TBL1X: variants seen among roughly 807,000 people sequenced by gnomAD.
TBL1X encodes transducin beta like 1 X-linked, also known as F-box-like/WD repeat-containing protein TBL1X.
Under a neutral mutation model 50.7 loss-of-function variants are expected in TBL1X, and 10 were observed. The observed-to-expected ratio is 0.20, with a 90% confidence interval of 0.12 to 0.33. The LOEUF (loss-of-function observed/expected upper bound fraction) is 0.33. Ranked by LOEUF, TBL1X falls within the 10% of genes least tolerant of loss-of-function variation. TBL1X has a pLI of 1.00. For missense variants in TBL1X, 340 were observed against 504.4 expected (o/e 0.67, Z 3.12); for synonymous variants, 190 against 214.7 (o/e 0.88, Z 1.01).
rs773413893 is a variant in TBL1X, at chrX:9,497,112, G to A, written c.-200-4668G>A. Among the ~76,000 whole-genome samples the A allele has an allele frequency of 1.2e-4, 13 of 111,507 alleles. No homozygotes were observed. In the East Asian group the frequency reaches 2.0e-3, roughly 17 times the overall value. On this transcript the variant is annotated intron_variant, in intron 1 of 17. Transcript: ENST00000645353. ...AAACCAAACACACACAGTTCTTGTC[G>A]TTAAAGATATCCATGGCCTGGCACA...
chrX:9,466,438 G>A (rs1463877485), intron 1 of TBL1X, among the ~76,000 whole-genome samples: 3 of 112,944 alleles, frequency 2.7e-5, no homozygotes, highest in Non-Finnish European at 5.6e-5. Context: ...CCAGCCAGCT[G>A]CGTTGGACGT....
At chrX:9,663,441 C>T (rs2082909933) in intron 5 of TBL1X, among the ~76,000 whole-genome samples, 2 of 111,500 alleles carry the variant, frequency 1.8e-5, no homozygotes. Flanking sequence ...AGAAATGTGC[C>T]GAGTAGAACA....
chrX:9,549,620 G>A (rs1001015426), intron 2 of TBL1X, among the ~76,000 whole-genome samples: 51 of 111,726 alleles, frequency 4.6e-4, no homozygotes, highest in African/African-American at 1.6e-3. Flanking sequence ...GCAGAAGACC[G>A]TGCATCCCAA....
chrX:9,525,986 C>G (rs2082130110), intron 2 of TBL1X, among the ~76,000 whole-genome samples: 1 of 110,989 alleles, frequency 9.0e-6, no homozygotes, highest in Admixed American at 9.6e-5. Flanking sequence ...ACGTTCCTGC[C>G]TCATTTTTGT....
intron 2 of TBL1X, among the ~76,000 whole-genome samples, chrX:9,581,380 C>T (rs974922080): frequency 1.8e-5 from 2 of 111,746 alleles, no homozygotes; most frequent in Admixed American, 1.9e-4. Context: ...GAGTTCACAC[C>T]GTGCCCCCTG....
At chrX:9,556,066 G>T (rs1043524988) in intron 2 of TBL1X, among the ~76,000 whole-genome samples, 6 of 110,157 alleles carry the variant, frequency 5.4e-5, no homozygotes, top group Non-Finnish European at 1.1e-4. Context: ...GCACACACCT[G>T]TGGTCCCAGC....
chrX:9,568,598 CTGTG>C (rs200110245), intron 2 of TBL1X, among the ~76,000 whole-genome samples: 21 of 99,640 alleles, frequency 2.1e-4, no homozygotes, highest in Admixed American at 4.3e-4. Flanking sequence ...GTGCAGTGTG[CTGTG>C]TGTGTGTGTG....
At chrX:9,583,369 A>G in intron 2 of TBL1X, among the ~76,000 whole-genome samples, 1 of 112,436 alleles carries the variant, frequency 8.9e-6, no homozygotes, top group Non-Finnish European at 1.9e-5. Context: ...ATGAGGTCAC[A>G]TTCAGTCTTT....
intron 5 of TBL1X, among the ~76,000 whole-genome samples, chrX:9,675,343 G>A (rs1293988572): frequency 8.9e-6 from 1 of 111,950 alleles, no homozygotes; most frequent in Non-Finnish European, 1.9e-5. Context: ...CTGGCAAGTA[G>A]GGTTAGTGGC....
At chrX:9,590,610 T>C (rs1299294541) in intron 2 of TBL1X, among the ~76,000 whole-genome samples, 1 of 112,397 alleles carries the variant, frequency 8.9e-6, no homozygotes, top group Non-Finnish European at 1.9e-5. Context: ...CTTGAACATT[T>C]AAGTTTTTTA....
At chrX:9,704,180 C>T (rs1049331316) in intron 12 of TBL1X, among the ~76,000 whole-genome samples, 1 of 112,095 alleles carries the variant, frequency 8.9e-6, no homozygotes, top group Non-Finnish European at 1.9e-5. Flanking sequence ...CTGAAGTGTG[C>T]GTTCCGTTTC....
chrX:9,616,047 G>A lies in TBL1X; in HGVS notation c.-130-24226G>A, dbSNP rs112832476. ...TGAACAGACCAGACACAAATCTTAC[G>A]TGCTACTGGATAAAAATGTACCCCA... On this transcript the variant is annotated intron_variant, in intron 2 of 17. Coordinates refer to ENST00000645353, the MANE Select transcript of TBL1X (RefSeq NM_005647.4). Among the ~76,000 whole-genome samples the A allele has an allele frequency of 4.0e-3, 447 of 111,780 alleles. 2 individuals are homozygous for A. Among genetic ancestry groups the A allele is most frequent in the African/African-American group, 0.014 (420 of 30,776 alleles).
intron 17 of TBL1X, 47 bp from the exon 18 acceptor site, chrX:9,716,173 C>G (rs758179046): frequency 2.5e-6 from 3 of 1,202,830 alleles, no homozygotes; most frequent in Admixed American, 2.2e-5. Flanking sequence ...CTAAAGGCAT[C>G]TTTGTATTGT....
chrX:9,692,236 C>A lies in TBL1X; in HGVS notation c.873C>A (p.Val291=). 1 of 1,193,185 alleles carries A rather than the reference C, an allele frequency of 8.4e-7. No homozygotes were observed. Among genetic ancestry groups the A allele is most frequent in the Non-Finnish European group, 1.1e-6 (1 of 888,581 alleles). ...GGHDVPSNKD[V]TSLDWNTNGT... ...ATGACGTCCCGAGTAACAAAGACGT[C>A]ACCTCACTGGACTGGAATGTAAGCA... Residue 291 remains valine (V), a synonymous_variant, in exon 9 of 18, where the codon GTC becomes GTA. Transcript: ENST00000645353.
At chrX:9,503,566 A>G (rs1012049835) in intron 2 of TBL1X, among the ~76,000 whole-genome samples, 7 of 113,127 alleles carry the variant, frequency 6.2e-5, no homozygotes, top group African/African-American at 2.2e-4. Flanking sequence ...TTCTGTAGCT[A>G]CAGGCTACGC....
chrX:9,676,591 C>T (rs1304423053), intron 5 of TBL1X, among the ~76,000 whole-genome samples: 1 of 112,031 alleles, frequency 8.9e-6, no homozygotes, highest in East Asian at 2.8e-4. Flanking sequence ...CTTTTGGACG[C>T]CGTCCGAGGC....
chrX:9,702,931 C>T (rs781659483), intron 12 of TBL1X, among the ~76,000 whole-genome samples: 15 of 111,443 alleles, frequency 1.3e-4, no homozygotes, highest in South Asian at 7.5e-4. Flanking sequence ...GCATGGGAAG[C>T]GCAGGGTTAC....
rs2083287768 is a variant in TBL1X, at chrX:9,717,748, G to A, written c.*1502G>A. 1 of 112,088 alleles carries A rather than the reference G, an allele frequency of 8.9e-6. No homozygotes were observed. The highest frequency in any genetic ancestry group is 9.4e-5 in the Admixed American group (1 of 10,602). The allele number at this position is 112,088 out of a possible 1,213,427, so 9.2% of individuals were successfully genotyped here. A position where few individuals can be genotyped will look rare whatever the true frequency, so the allele number is the denominator to read the frequency against. On this transcript the variant is annotated 3_prime_UTR_variant, in exon 18 of 18. Transcript: ENST00000645353. ...CGAGTCCTTGCAGAGCTGACATAGAGGCGCCCGCATGTCACTTAGTCTAAC... is the reference window on the plus strand; with the variant it reads ...CGAGTCCTTGCAGAGCTGACATAGAAGCGCCCGCATGTCACTTAGTCTAAC...
chrX:9,577,146 G>A (rs926747883), intron 2 of TBL1X, among the ~76,000 whole-genome samples: 3 of 112,126 alleles, frequency 2.7e-5, no homozygotes, highest in Non-Finnish European at 3.8e-5. Flanking sequence ...TCTCAGAGAA[G>A]CATGCATGAT....
Sources: allele counts gnomAD v4.1 joint callset (sites outside exome capture counted in the v4.1 genomes callset), GRCh38; gene constraint gnomAD v4.1.1; transcripts MANE v1.5; gene names NCBI Gene and HGNC (gene_info 2026-07-23, HGNC 2026-07-21).